The following NKAIN2 variants were observed in gnomAD, a reference collection of about 807,000 sequenced individuals.
NKAIN2 encodes sodium/potassium-transporting ATPase subunit beta-1-interacting protein 2.
NKAIN2 carries 14 observed loss-of-function variants against 32.6 expected under a neutral mutation model. That is an observed-to-expected ratio of 0.43 (90% confidence interval 0.28 to 0.67). NKAIN2 has a LOEUF of 0.67. Ranked by LOEUF, NKAIN2 falls within the 30% of genes least tolerant of loss-of-function variation. NKAIN2 has a pLI of 0.17. For synonymous variants in NKAIN2, 80 were observed against 87.2 expected (o/e 0.92, Z 0.46); for missense variants, 198 against 258.3 (o/e 0.77, Z 1.60).
chr6:123,869,006 T>C (rs1475073456), intron 1 of NKAIN2, among the ~76,000 whole-genome samples: 2 of 152,226 alleles, frequency 1.3e-5, no homozygotes, highest in African/African-American at 4.8e-5. Flanking sequence ...AAATAAAGTC[T>C]GTGATTGATT....
intron 1 of NKAIN2, among the ~76,000 whole-genome samples, chr6:124,187,072 C>A (rs1486481594): frequency 6.6e-6 from 1 of 152,110 alleles, no homozygotes; most frequent in Admixed American, 6.6e-5. Flanking sequence ...TTCCACATAG[C>A]TTTGTTACAA....
chr6:124,541,269 A>G (rs928128155), intron 3 of NKAIN2, among the ~76,000 whole-genome samples: 2 of 152,158 alleles, frequency 1.3e-5, no homozygotes, highest in African/African-American at 2.4e-5. Context: ...GGTAGTCTCT[A>G]TATTATTGAA....
At chr6:123,872,308 G>A (rs1772931273) in intron 1 of NKAIN2, among the ~76,000 whole-genome samples, 1 of 152,208 alleles carries the variant, frequency 6.6e-6, no homozygotes, top group African/African-American at 2.4e-5. Context: ...ATGCCCTGAG[G>A]AAGCTTTGGA....
chr6:124,527,824 G>A (rs151309790), intron 3 of NKAIN2, among the ~76,000 whole-genome samples: 1 of 152,284 alleles, frequency 6.6e-6, no homozygotes, highest in South Asian at 2.1e-4. Flanking sequence ...TACAGGATAA[G>A]TGGAGGTTGC....
chr6:124,800,833 AT>A (rs1780223495), intron 5 of NKAIN2, among the ~76,000 whole-genome samples: 1 of 152,100 alleles, frequency 6.6e-6, no homozygotes, highest in African/African-American at 2.4e-5. Context: ...TAACATTTGC[AT>A]TTGCTTGTTT....
chr6:124,165,048 T>C (rs931297080), intron 1 of NKAIN2, among the ~76,000 whole-genome samples: 3 of 152,060 alleles, frequency 2.0e-5, no homozygotes, highest in African/African-American at 7.2e-5. Context: ...ATAACTAATA[T>C]CTTGTAAAAT....
At chr6:124,326,969 A>T (rs546454622) in intron 2 of NKAIN2, among the ~76,000 whole-genome samples, 1 of 152,134 alleles carries the variant, frequency 6.6e-6, no homozygotes, top group Admixed American at 6.5e-5. Context: ...AGAAACTGAG[A>T]TCCAGCGTTC....
intron 4 of NKAIN2, among the ~76,000 whole-genome samples, chr6:124,753,416 G>C (rs146872635): frequency 6.6e-5 from 10 of 152,188 alleles, no homozygotes; most frequent in Admixed American, 5.2e-4. Flanking sequence ...ATCCTAACAA[G>C]ATTGTGATTT....
intron 3 of NKAIN2, among the ~76,000 whole-genome samples, chr6:124,647,941 A>C (rs77359795): frequency 7.4e-4 from 113 of 152,342 alleles, no homozygotes; most frequent in Non-Finnish European, 1.3e-3. Flanking sequence ...AGACACGAGA[A>C]ATGTTAAAGA....
intron 4 of NKAIN2, among the ~76,000 whole-genome samples, chr6:124,691,153 A>G (rs1463551083): frequency 1.3e-5 from 2 of 152,174 alleles, no homozygotes; most frequent in Non-Finnish European, 2.9e-5. Context: ...GCATGTCATT[A>G]CACTTGTTTT....
At chr6:124,366,149 G>T (rs150816268) in intron 3 of NKAIN2, among the ~76,000 whole-genome samples, 47 of 152,110 alleles carry the variant, frequency 3.1e-4, no homozygotes, top group South Asian at 6.2e-4. Context: ...AGAACTCAAT[G>T]CATATACAAT....
intron 1 of NKAIN2, among the ~76,000 whole-genome samples, chr6:124,280,655 C>T (rs1480868187): frequency 2.6e-5 from 4 of 152,136 alleles, no homozygotes; most frequent in African/African-American, 7.2e-5. Flanking sequence ...CAAATATGTG[C>T]TCTCTCCATC....
intron 1 of NKAIN2, among the ~76,000 whole-genome samples, chr6:123,913,858 A>G (rs1415983264): frequency 6.6e-6 from 1 of 152,162 alleles, no homozygotes; most frequent in Non-Finnish European, 1.5e-5. Context: ...ATTAATCCTC[A>G]GGCAATATAA....
intron 3 of NKAIN2, among the ~76,000 whole-genome samples, chr6:124,453,357 A>ACG (rs1776191995): frequency 6.8e-6 from 1 of 147,726 alleles, no homozygotes; most frequent in Admixed American, 6.8e-5. Flanking sequence ...ACACACACAC[A>ACG]CACACACACA....
intron 1 of NKAIN2, among the ~76,000 whole-genome samples, chr6:124,205,208 G>A (rs1790803387): frequency 1.3e-5 from 2 of 151,800 alleles, no homozygotes. Flanking sequence ...GAAGGTTAAT[G>A]AGACATGGAC....
intron 3 of NKAIN2, among the ~76,000 whole-genome samples, chr6:124,490,161 G>A (rs1354009906): frequency 1.3e-5 from 2 of 151,768 alleles, no homozygotes; most frequent in Admixed American, 1.3e-4. Flanking sequence ...GATGCATAGA[G>A]TTAGTTGTAA....
At chr6:123,905,290 C>A (rs987036168) in intron 1 of NKAIN2, among the ~76,000 whole-genome samples, 1 of 151,924 alleles carries the variant, frequency 6.6e-6, no homozygotes, top group African/African-American at 2.4e-5. Context: ...CATAGAGGGG[C>A]CTCGGTGGGT....
Position 124,825,530 on chromosome 6 carries a change from G to A in NKAIN2, c.*2301G>A, listed in dbSNP as rs972077580. The A allele has an allele frequency of 6.6e-6, 1 of 152,494 alleles. No individual in the cohort carries two copies. Among genetic ancestry groups the A allele is most frequent in the Non-Finnish European group, 1.5e-5 (1 of 68,008 alleles). The allele number at this position is 152,494 out of a possible 1,614,324, so 9.4% of individuals were successfully genotyped here. A position where few individuals can be genotyped will look rare whatever the true frequency, so the allele number is the denominator to read the frequency against. On this transcript the variant is annotated 3_prime_UTR_variant, in exon 7 of 7. Coordinates refer to ENST00000368417, the MANE Select transcript of NKAIN2 (RefSeq NM_001040214.3). ...TTCAGAAGGCAAGGGTTATGATCCTGATGTGTCCTTTTTTTTTGCATTTGT... is the reference window on the plus strand; with the variant it reads ...TTCAGAAGGCAAGGGTTATGATCCTAATGTGTCCTTTTTTTTTGCATTTGT...
chr6:124,732,348 A>G (rs556669661), intron 4 of NKAIN2, among the ~76,000 whole-genome samples: 14 of 152,208 alleles, frequency 9.2e-5, no homozygotes, highest in Non-Finnish European at 1.6e-4. Context: ...GGAATAGGAC[A>G]GGGTTTGGTG....
Sources: allele counts gnomAD v4.1 joint callset (sites outside exome capture counted in the v4.1 genomes callset), GRCh38; gene constraint gnomAD v4.1.1; transcripts MANE v1.5; gene names NCBI Gene and HGNC (gene_info 2026-07-23, HGNC 2026-07-21).